The following XKR6 variants were observed in gnomAD, a reference collection of about 807,000 sequenced individuals.
XKR6 encodes the protein XK-related protein 6.
Under a neutral mutation model 56.7 loss-of-function variants are expected in XKR6, and 22 were observed. That is an observed-to-expected ratio of 0.39 (90% CI 0.28 to 0.55). The LOEUF is 0.55. Among genes scored for constraint, XKR6 ranks in the 20% least tolerant of loss-of-function variants. The probability of loss-of-function intolerance (pLI) is 0.66; values close to 1 mark genes in which losing one functional copy is unlikely to be tolerated. For synonymous variants in XKR6, 524 were observed against 387.8 expected (o/e 1.35, Z -4.13); for missense variants, 852 against 889.0 (o/e 0.96, Z 0.53).
chr8:11,063,029 A>G (rs971132216), intron 1 of XKR6: 13 of 356,906 alleles, frequency 3.6e-5, no homozygotes, highest in African/African-American at 1.7e-4. Flanking sequence ...GCCAGCCACA[A>G]ATTGGCATTT....
intron 1 of XKR6, among the ~76,000 whole-genome samples, chr8:11,045,199 C>A (rs1245656772): frequency 6.7e-6 from 1 of 150,100 alleles, no homozygotes; most frequent in Non-Finnish European, 1.5e-5. Context: ...GATTCTCCTG[C>A]CTCAGCCTCC....
Position 10,946,936 on chromosome 8 carries a change from T to C in XKR6, c.765-22106A>G, listed in dbSNP as rs944577568. Among the ~76,000 whole-genome samples, 3 of 152,130 alleles carry C rather than the reference T, an allele frequency of 2.0e-5. No individual in the cohort carries two copies. In the East Asian group the frequency reaches 5.8e-4, roughly 29 times the overall value. On this transcript the variant is annotated intron_variant, in intron 1 of 2. Coordinates refer to ENST00000416569, the MANE Select transcript of XKR6 (RefSeq NM_173683.4). Reference sequence around the variant, plus strand: ...GAAAGAGGGTGCTCCAGGTAGACAGTTCCAGAGGGTCAAAATCCCCCAGGT... The same window carrying C: ...GAAAGAGGGTGCTCCAGGTAGACAGCTCCAGAGGGTCAAAATCCCCCAGGT...
chr8:11,128,928 G>T (rs560131476), intron 1 of XKR6: 2 of 456,590 alleles, frequency 4.4e-6, no homozygotes, highest in Admixed American at 4.7e-5. Flanking sequence ...TGTTCCCCTG[G>T]CTTCTTTAAT....
At chr8:11,140,121 T>C (rs1800614470) in intron 1 of XKR6, among the ~76,000 whole-genome samples, 1 of 150,248 alleles carries the variant, frequency 6.7e-6, no homozygotes, top group African/African-American at 2.5e-5. Flanking sequence ...AGAAGAAAAT[T>C]TTTTAATTAA....
intron 1 of XKR6, among the ~76,000 whole-genome samples, chr8:11,122,793 T>C (rs1799519325): frequency 6.6e-6 from 1 of 152,216 alleles, no homozygotes; most frequent in Non-Finnish European, 1.5e-5. Flanking sequence ...ACTCATACTA[T>C]TTAATCTGAC....
At chr8:11,074,955 T>A (rs112765938) in intron 1 of XKR6, among the ~76,000 whole-genome samples, 2 of 152,076 alleles carry the variant, frequency 1.3e-5, no homozygotes, top group African/African-American at 4.8e-5. Flanking sequence ...CTCTGCAGTG[T>A]CCCCATGGGG....
chr8:11,077,489 T>C (rs1475978542), intron 1 of XKR6, among the ~76,000 whole-genome samples: 1 of 152,012 alleles, frequency 6.6e-6, no homozygotes, highest in African/African-American at 2.4e-5. Flanking sequence ...TACATGCAGC[T>C]CACTCAAGGA....
At chr8:11,028,157 A>G (rs7000431) in intron 1 of XKR6, among the ~76,000 whole-genome samples, 1 of 151,690 alleles carries the variant, frequency 6.6e-6, no homozygotes, top group Non-Finnish European at 1.5e-5. Context: ...CCACCGAGAT[A>G]TTTACTCTCT....
intron 1 of XKR6, among the ~76,000 whole-genome samples, chr8:11,151,346 G>A (rs1801259813): frequency 6.6e-6 from 1 of 152,100 alleles, no homozygotes; most frequent in African/African-American, 2.4e-5. Flanking sequence ...CATTTGCTAG[G>A]TGTGTATAAA....
At chr8:11,192,150 T>A (rs1390831286) in intron 1 of XKR6, among the ~76,000 whole-genome samples, 1 of 151,880 alleles carries the variant, frequency 6.6e-6, no homozygotes, top group African/African-American at 2.4e-5. Context: ...AGACCCCATC[T>A]CTACAAAAAA....
rs540261050 is a variant in XKR6, at chr8:10,992,805, G to A, written c.765-67975C>T. Among the ~76,000 whole-genome samples the A allele has an allele frequency of 6.6e-5, 10 of 152,272 alleles. No individual in the cohort carries two copies. In the South Asian group the frequency reaches 2.1e-3, roughly 32 times the overall value. On this transcript the variant is annotated intron_variant, in intron 1 of 2. Transcript: ENST00000416569. ...CAACTGACGCAGGAGATGGGAAGAGGAGATGGTCCTTGAGGCACGTCCACA... is the reference window on the plus strand; with the variant it reads ...CAACTGACGCAGGAGATGGGAAGAGAAGATGGTCCTTGAGGCACGTCCACA...
chr8:10,934,776 T>C (rs909596683), intron 1 of XKR6, among the ~76,000 whole-genome samples: 1 of 148,896 alleles, frequency 6.7e-6, no homozygotes, highest in African/African-American at 2.5e-5. Context: ...ATAAGCTTTT[T>C]GATGTGCTGC....
At chr8:11,132,453 C>T (rs923216041) in intron 1 of XKR6, among the ~76,000 whole-genome samples, 3 of 151,942 alleles carry the variant, frequency 2.0e-5, no homozygotes, top group African/African-American at 7.3e-5. Context: ...ACCTCCGCCT[C>T]CCAGGCTCAA....
At chr8:11,132,767 G>GCACGCA (rs1554468040) in intron 1 of XKR6, among the ~76,000 whole-genome samples, 13 of 138,192 alleles carry the variant, frequency 9.4e-5, no homozygotes, top group African/African-American at 3.5e-4. Flanking sequence ...ACACACGCAC[G>GCACGCA]CACACACACA....
intron 1 of XKR6, among the ~76,000 whole-genome samples, chr8:11,198,125 G>C (rs560373751): frequency 3.5e-4 from 53 of 152,256 alleles, no homozygotes; most frequent in Admixed American, 2.2e-3. Context: ...AATAAAAACA[G>C]AGATGATGTA....
chr8:11,046,587 C>T (rs1017939793), intron 1 of XKR6, among the ~76,000 whole-genome samples: 103 of 152,222 alleles, frequency 6.8e-4, no homozygotes, highest in African/African-American at 2.4e-3. Flanking sequence ...TTATTACATA[C>T]AGCAGAATAT....
intron 1 of XKR6, among the ~76,000 whole-genome samples, chr8:10,979,419 G>C (rs1007695368): frequency 1.3e-5 from 2 of 151,982 alleles, no homozygotes; most frequent in African/African-American, 4.8e-5. Flanking sequence ...TGGTTCCTGG[G>C]GGACCTGCCG....
At chr8:10,916,133 G>A (rs1004140086) in intron 2 of XKR6, among the ~76,000 whole-genome samples, 4 of 152,244 alleles carry the variant, frequency 2.6e-5, no homozygotes, top group Admixed American at 6.5e-5. Context: ...ACCAGGCAGC[G>A]TGGAGCACTG....
intron 1 of XKR6, among the ~76,000 whole-genome samples, chr8:11,178,881 G>C (rs927596223): frequency 1.3e-5 from 2 of 151,620 alleles, no homozygotes; most frequent in South Asian, 4.2e-4. Context: ...AGGCACCCAG[G>C]TTGGAGAGTA....
Sources: allele counts gnomAD v4.1 joint callset (sites outside exome capture counted in the v4.1 genomes callset), GRCh38; gene constraint gnomAD v4.1.1; transcripts MANE v1.5; gene names NCBI Gene and HGNC (gene_info 2026-07-23, HGNC 2026-07-21).